The following LCT variants were observed in gnomAD, a reference collection of about 807,000 sequenced individuals.
LCT encodes lactase.
Under a neutral mutation model 173.0 loss-of-function variants are expected in LCT, and 90 were observed. That is an observed-to-expected ratio of 0.52 (90% CI 0.44 to 0.62). LCT has a LOEUF of 0.62. Ranked by LOEUF, LCT falls within the 20% of genes least tolerant of loss-of-function variation. The pLI is 0.00. For synonymous variants in LCT, 853 were observed against 957.6 expected, an observed-to-expected ratio of 0.89 and a Z score of 2.02; for missense variants, 1,864 against 2,431.4, an observed-to-expected ratio of 0.77 and a Z score of 4.91.
Position 135,817,896 on chromosome 2 carries a change from T to C in LCT, c.1152A>G (p.Glu384=). Residue 384 remains glutamate (E), a synonymous_variant, in exon 6 of 17, where the codon GAA becomes GAG. Transcript: ENST00000264162. ...RDAFLQDTFP[E]GFLWGASTGA... is the part of the protein sequence containing the mutation. ...CTGTGGAGGCACCCCAGAGGAAGCCTTCAGGGAAAGTATCCTGCAGGAAGG... is the reference window on the plus strand; with the variant it reads ...CTGTGGAGGCACCCCAGAGGAAGCCCTCAGGGAAAGTATCCTGCAGGAAGG... 1 of 1,613,888 alleles carries C rather than the reference T, an allele frequency of 6.2e-7. No individual in the cohort carries two copies. The highest frequency in any genetic ancestry group is 8.5e-7 in the Non-Finnish European group (1 of 1,179,992).
chr2:135,807,523 C>A, intron 8 of LCT, 127 bp from the exon 9 acceptor site: 1 of 837,418 alleles, frequency 1.2e-6, no homozygotes, highest in Non-Finnish European at 2.0e-6. Context: ...CCCTGAGAGA[C>A]CAACAGATCA....
intron 16 of LCT, 94 bp downstream of exon 16, chr2:135,789,476 AG>A: frequency 1.2e-6 from 1 of 824,762 alleles, no homozygotes; most frequent in South Asian, 1.4e-5. Context: ...GGCAGCAGAG[AG>A]GAGGGTAATA....
intron 12 of LCT, among the ~76,000 whole-genome samples, chr2:135,798,515 C>G (rs1017740091): frequency 6.6e-6 from 1 of 152,232 alleles, no homozygotes. Flanking sequence ...TTTCTCACCA[C>G]TGAGCGGCTG....
chr2:135,789,404 C>G (rs2077516870), intron 16 of LCT, among the ~76,000 whole-genome samples, 167 bp downstream of exon 16: 1 of 151,986 alleles, frequency 6.6e-6, no homozygotes, highest in African/African-American at 2.4e-5. Context: ...TTTGTTCCAC[C>G]CCAGGAAATG....
chr2:135,816,444 G>A (rs1485477679), intron 6 of LCT, among the ~76,000 whole-genome samples: 1 of 152,098 alleles, frequency 6.6e-6, no homozygotes, highest in Admixed American at 6.6e-5. Context: ...TTCCCTACTG[G>A]TCATGAAATA....
chr2:135,821,783 C>A (rs1356927898), intron 5 of LCT: 2 of 530,458 alleles, frequency 3.8e-6, no homozygotes, highest in Non-Finnish European at 6.8e-6. Flanking sequence ...AGCCATCATG[C>A]TAGTTGCGCA....
chr2:135,834,096 C>T (rs916523408), intron 1 of LCT, among the ~76,000 whole-genome samples: 6 of 151,784 alleles, frequency 4.0e-5, no homozygotes, highest in Admixed American at 2.0e-4. Flanking sequence ...GTCTATGCCA[C>T]GTCTCGTTTA....
chr2:135,800,471 T>G, intron 12 of LCT, 136 bp downstream of exon 12: 1 of 773,264 alleles, frequency 1.3e-6, no homozygotes, highest in Admixed American at 2.0e-5. Flanking sequence ...GAAATCCTCC[T>G]GCCTCAGACT....
intron 13 of LCT, among the ~76,000 whole-genome samples, chr2:135,797,710 C>T (rs1200998473): frequency 6.6e-6 from 1 of 152,154 alleles, no homozygotes; most frequent in African/African-American, 2.4e-5. Context: ...GACTGTCAGC[C>T]ACTGCCACCC....
chr2:135,814,184 T>C (rs1294190553), intron 6 of LCT, among the ~76,000 whole-genome samples: 1 of 152,218 alleles, frequency 6.6e-6, no homozygotes, highest in Non-Finnish European at 1.5e-5. Flanking sequence ...CTCTGAAGAA[T>C]TTCATGTCAA....
intron 6 of LCT, among the ~76,000 whole-genome samples, chr2:135,815,557 T>C (rs1251973092): frequency 6.6e-6 from 1 of 152,160 alleles, no homozygotes; most frequent in Non-Finnish European, 1.5e-5. Context: ...ACCCTAGTAA[T>C]GGTCTTTTTG....
In LCT at chr2:135,794,646, T is replaced by C; in HGVS notation, c.5106A>G (p.Ala1702=). The stretch of plus-strand genomic sequence containing the variant: ...CTCCCTGTTGGTGGACTTACCTGTC[T>C]GCATCAAAAGAAGAGATGGCAGTGG... ...NYATAISSFD[A]DRGVASIADR... Residue 1702 remains alanine, a synonymous_variant, in exon 14 of 17, where the codon GCA becomes GCG. Coordinates refer to ENST00000264162, the MANE Select transcript of LCT (RefSeq NM_002299.4). 6.2e-7 allele frequency: 1 copy of C among 1,614,094 alleles called. No individual in the cohort carries two copies. The highest frequency in any genetic ancestry group is 8.5e-7 in the Non-Finnish European group (1 of 1,180,020).
In LCT at chr2:135,800,787, A is replaced by C; in HGVS notation, c.4686T>G (p.Thr1562=). ...GATTGTGGCCAACAATGTAGGGGGC[A>C]GTGCCAGGCCTATTGGAGACTCCTG... ...AAPGVSNRPG[T]APYIVGHNLI... is the part of the protein sequence containing the mutation. Residue 1562 remains threonine, a synonymous_variant, in exon 12 of 17, where the codon ACT becomes ACG. Transcript: ENST00000264162. 6.2e-7 allele frequency: 1 copy of C among 1,614,056 alleles called. No individual in the cohort carries two copies. Among genetic ancestry groups the C allele is most frequent in the Non-Finnish European group, 8.5e-7 (1 of 1,179,928 alleles).
chr2:135,794,869 C>A, intron 13 of LCT, 94 bp from the exon 14 acceptor site: 1 of 1,438,822 alleles, frequency 7.0e-7, no homozygotes, highest in Non-Finnish European at 9.8e-7. Flanking sequence ...GCTCTCCGAA[C>A]CCCAGGCACT....
Position 135,817,611 on chromosome 2 carries a change from CTTGTTGTAG to C in LCT, c.1428_1436del (p.Tyr476_Lys479delinsTer). ...CCGCATCCTGTAGCCTGTCAATCAG[CTTGTTGTAG>C]TAGGCAACGCCTGGGAGGCTGGGGC... On this transcript the variant is annotated stop_gained and inframe_deletion, in exon 6 of 17. Transcript: ENST00000264162. LOFTEE classifies it high-confidence loss of function. The C allele has an allele frequency of 1.2e-6, 2 of 1,614,122 alleles. No individual in the cohort carries two copies. Among genetic ancestry groups the C allele is most frequent in the Non-Finnish European group, 1.7e-6 (2 of 1,180,000 alleles).
At position 135,812,162 on chromosome 2, in the gene LCT, T is replaced by G. The variant is rs577367055; in HGVS notation, c.2353+149A>C. On this transcript the variant is annotated intron_variant, in intron 7 of 16. Coordinates refer to ENST00000264162, the MANE Select transcript of LCT (RefSeq NM_002299.4). ...CATGAATGAACCTTGGGAAAGAGAG[T>G]TAGGGAGCTGACGTGAAGGACTCCC... 6.7e-4 allele frequency: 494 copies of G among 736,850 alleles called. 2 individuals are homozygous for G. In the Middle Eastern group the frequency reaches 0.01, roughly 15 times the overall value. The allele number at this position is 736,850 out of a possible 1,614,324, so 45.6% of individuals were successfully genotyped here. A position where few individuals can be genotyped will look rare whatever the true frequency, so the allele number is the denominator to read the frequency against.
intron 11 of LCT, among the ~76,000 whole-genome samples, chr2:135,802,346 G>A (rs1404308315): frequency 3.3e-5 from 5 of 152,152 alleles, no homozygotes; most frequent in Non-Finnish European, 7.3e-5. Context: ...AAGGGATCCC[G>A]CAATCTTACT....
chr2:135,793,498 C>T (rs1420806505), intron 14 of LCT, among the ~76,000 whole-genome samples: 1 of 152,180 alleles, frequency 6.6e-6, no homozygotes, highest in Non-Finnish European at 1.5e-5. Context: ...GATCTTTCCA[C>T]TGAAACAGTC....
chr2:135,809,021 T>C lies in LCT; in HGVS notation c.3326A>G (p.Asp1109Gly). 2.5e-6 allele frequency: 4 copies of C among 1,611,740 alleles called. No homozygotes were observed. The highest frequency in any genetic ancestry group is 3.4e-6 in the Non-Finnish European group (4 of 1,178,414). Reference sequence around the variant, plus strand: ...CTTCTGCTCCTGCCTGTATTTCTCATCGTACGTGTGATAGACTCTGGCATG... The same window carrying C: ...CTTCTGCTCCTGCCTGTATTTCTCACCGTACGTGTGATAGACTCTGGCATG... ...KAHARVYHTY[D>G]EKYRQEQKGV... is the part of the protein sequence containing the mutation. The change falls in exon 8 of 17, where the codon GAT becomes GGT. Residue 1109 changes from aspartate (D) to glycine (G), a missense_variant. By Grantham distance (94) the Asp-to-Gly change is moderately conservative (BLOSUM62 -1). Coordinates refer to ENST00000264162, the MANE Select transcript of LCT (RefSeq NM_002299.4). The surrounding 1 kb of genome is among the most constrained non-coding windows in gnomAD (Gnocchi z 5.5).
Sources: gnomAD v4.1 joint callset for allele counts (sites outside exome capture counted in the v4.1 genomes callset) on GRCh38, gnomAD v4.1.1 for gene constraint, Gnocchi (gnomAD v3.1) non-coding constraint, MANE v1.5 for transcripts, NCBI Gene and HGNC (gene_info 2026-07-23, HGNC 2026-07-21) for gene names.